The following CPLANE1 variants were observed in gnomAD, a reference collection of about 807,000 sequenced individuals.
CPLANE1 encodes the protein ciliogenesis and planar polarity effector 1.
In CPLANE1, 263 loss-of-function variants were observed where a neutral mutation model predicts 362.5. The observed-to-expected ratio is 0.73, with a 90% CI of 0.66 to 0.80. The LOEUF is 0.80. Ranked by LOEUF, CPLANE1 falls within the 30% of genes least tolerant of loss-of-function variation. The probability of loss-of-function intolerance (pLI) is 0.00; values close to 1 mark genes in which losing one functional copy is unlikely to be tolerated. For synonymous variants in CPLANE1, 1,212 were observed against 1,302.6 expected, an observed-to-expected ratio of 0.93 and a Z score of 1.50; for missense variants, 3,461 against 3,793.4, an observed-to-expected ratio of 0.91 and a Z score of 2.30.
chr5:37,179,793 A>G (rs1782159339), intron 28 of CPLANE1, among the ~76,000 whole-genome samples: 1 of 152,206 alleles, frequency 6.6e-6, no homozygotes, highest in African/African-American at 2.4e-5. Flanking sequence ...ATGGTAAAAG[A>G]GCACCAACAT....
intron 23 of CPLANE1, among the ~76,000 whole-genome samples, chr5:37,186,647 G>A (rs1784066938): frequency 6.6e-6 from 1 of 152,030 alleles, no homozygotes; most frequent in Non-Finnish European, 1.5e-5. Flanking sequence ...TTTAATATAC[G>A]TATACATTCT....
At chr5:37,132,987 G>A (rs756194858) in intron 46 of CPLANE1, among the ~76,000 whole-genome samples, 16 of 152,078 alleles carry the variant, frequency 1.1e-4, no homozygotes, top group African/African-American at 2.2e-4. Context: ...ATTCTTCTGC[G>A]TATGGCTAAC....
the CPLANE1 span, among the ~76,000 whole-genome samples, chr5:37,098,153 G>A: frequency 6.6e-6 from 1 of 152,030 alleles, no homozygotes; most frequent in Non-Finnish European, 1.5e-5. Context: ...CAGCACTTTG[G>A]GAGGCCGAGG....
rs1203808271 is a variant in CPLANE1 at position 37,226,945 on chromosome 5, A to G, written c.1650T>C (p.Phe550=). 1 of 1,551,982 alleles carries G rather than the reference A, an allele frequency of 6.4e-7. No individual in the cohort carries two copies. Among genetic ancestry groups the G allele is most frequent in the Non-Finnish European group, 8.7e-7 (1 of 1,147,026 alleles). ...TATCATCCTTTGCATGTATCGTATC[A>G]AACATAGATGCAAATTCCAATCTTC... The part of the protein sequence containing the change: ...KEGRLEFASM[F]DTIHAKDDSE... Residue 550 remains phenylalanine, a synonymous_variant, in exon 12 of 53, where the codon TTT becomes TTC. Coordinates refer to ENST00000651892, the MANE Select transcript of CPLANE1 (RefSeq NM_001384732.1).
At chr5:37,233,085 G>A (rs1288949011) in intron 8 of CPLANE1, among the ~76,000 whole-genome samples, 1 of 152,118 alleles carries the variant, frequency 6.6e-6, no homozygotes, top group Non-Finnish European at 1.5e-5. Context: ...AACCCACTAG[G>A]GCTTTGGGCC....
chr5:37,226,857 A>G lies in CPLANE1; in HGVS notation c.1738T>C (p.Trp580Arg). Residue 580 changes from tryptophan to arginine, a missense_variant, in exon 12 of 53, where the codon TGG becomes CGG. Trp to Arg is a moderately radical substitution (Grantham distance 101, BLOSUM62 -3). Transcript: ENST00000651892. Reference sequence around the variant, plus strand: ...ACAGTTTTTGAAATTCCTATAGTCCACGCTGCAAGTAGACTTTTCTGGATA... The same window carrying G: ...ACAGTTTTTGAAATTCCTATAGTCCGCGCTGCAAGTAGACTTTTCTGGATA... ...HSIQKSLLAA[W>R]TIGISKTVTE... 6.4e-7 allele frequency: 1 copy of G among 1,551,400 alleles called. No homozygotes were observed. The highest frequency in any genetic ancestry group is 8.7e-7 in the Non-Finnish European group (1 of 1,146,894).
chr5:37,244,039 G>A (rs575991527), intron 5 of CPLANE1, among the ~76,000 whole-genome samples: 32 of 151,704 alleles, frequency 2.1e-4, no homozygotes, highest in African/African-American at 7.0e-4. Flanking sequence ...TAGCAGAGAC[G>A]GGGTTTCTCC....
intron 30 of CPLANE1, among the ~76,000 whole-genome samples, chr5:37,176,756 T>C (rs965880405): frequency 9.0e-5 from 12 of 132,708 alleles, no homozygotes; most frequent in African/African-American, 4.0e-4. Context: ...AATCTAATTA[T>C]GTTGCCTTTT....
chr5:37,227,425 C>A (rs1796687690), intron 10 of CPLANE1, 33 bp from the exon 11 acceptor site: 4 of 1,511,580 alleles, frequency 2.6e-6, no homozygotes, highest in Admixed American at 4.7e-5. Flanking sequence ...TTTCCAAGAG[C>A]AAAATGTTAT....
intron 41 of CPLANE1, among the ~76,000 whole-genome samples, chr5:37,156,728 A>G (rs1775216327): frequency 6.6e-6 from 1 of 152,212 alleles, no homozygotes; most frequent in South Asian, 2.1e-4. Flanking sequence ...TATAAGTACT[A>G]TTGAATTGCA....
At chr5:37,153,580 A>C (rs1271057797) in intron 42 of CPLANE1, among the ~76,000 whole-genome samples, 160 bp downstream of exon 42, 1 of 152,194 alleles carries the variant, frequency 6.6e-6, no homozygotes, top group African/African-American at 2.4e-5. Flanking sequence ...ACAACAAAGA[A>C]TTAACTGGCT....
At chr5:37,180,222 G>T in intron 27 of CPLANE1, 39 bp from the exon 28 acceptor site, 1 of 1,343,572 alleles carries the variant, frequency 7.4e-7, no homozygotes, top group Non-Finnish European at 9.8e-7. Flanking sequence ...AACTATTCTT[G>T]GAGATAAAGA....
Position 37,173,776 on chromosome 5 carries a change from A to G in CPLANE1, c.6150T>C (p.Asp2050=), listed in dbSNP as rs958208672. 71 of 1,614,020 alleles carry G rather than the reference A, an allele frequency of 4.4e-5. No homozygotes were observed. The highest frequency in any genetic ancestry group is 1.6e-4 in the Middle Eastern group (1 of 6,084). Residue 2050 remains aspartate, a synonymous_variant, in exon 32 of 53, where the codon GAT becomes GAC. Coordinates refer to ENST00000651892, the MANE Select transcript of CPLANE1 (RefSeq NM_001384732.1). ...TTACCTGAACTAATTTAAACATTTC[A>G]TCTTGCAGCATCTGCCTAACGGACT... ...CSESVRQMLQ[D]EMFKLVQLQQ...
rs571135018 is a variant in CPLANE1 at position 37,207,945 on chromosome 5, T to TTTTTG, written c.2921-1525_2921-1521dup. Among the ~76,000 whole-genome samples, 20 of 152,132 alleles carry TTTTTG rather than the reference T, an allele frequency of 1.3e-4. 1 individual carries two copies. In the South Asian group the frequency reaches 2.5e-3, roughly 19 times the overall value. On this transcript the variant is annotated intron_variant, in intron 16 of 52. Coordinates refer to ENST00000651892, the MANE Select transcript of CPLANE1 (RefSeq NM_001384732.1). The stretch of plus-strand genomic sequence containing the variant: ...TGCTTTGGTTTTTTTGTTGTTGTTG[T>TTTTTG]TTTTGTTTTGTTTTGTTTTGTTTTG...
intron 19 of CPLANE1, among the ~76,000 whole-genome samples, chr5:37,199,858 C>T (rs764006260): frequency 1.4e-4 from 21 of 152,226 alleles, no homozygotes; most frequent in Non-Finnish European, 2.8e-4. Context: ...TAAGCCTAGC[C>T]ACAGTGACTG....
chr5:37,194,079 G>A (rs1215347409), intron 21 of CPLANE1, among the ~76,000 whole-genome samples: 3 of 151,922 alleles, frequency 2.0e-5, no homozygotes, highest in Non-Finnish European at 4.4e-5. Flanking sequence ...ACACCACTAT[G>A]CCTGGCTAAT....
chr5:37,210,000 G>A lies in CPLANE1; in HGVS notation c.2920+3559C>T, dbSNP rs565991241. On this transcript the variant is annotated intron_variant, in intron 16 of 52. Coordinates refer to ENST00000651892, the MANE Select transcript of CPLANE1 (RefSeq NM_001384732.1). The surrounding 1 kb of genome is among the most constrained non-coding windows in gnomAD (Gnocchi z 4.6). ...GAGAGAAATAGAAGAGCAACTTCGG[G>A]AAGAAATATGTCAAAAGTTGAAGTT... 1.0e-5 allele frequency: 9 copies of A among 869,514 alleles called. No individual in the cohort carries two copies. The highest frequency in any genetic ancestry group is 1.0e-4 in the South Asian group (7 of 69,802). The allele number at this position is 869,514 out of a possible 1,614,324, so 53.9% of individuals were successfully genotyped here. A position where few individuals can be genotyped will look rare whatever the true frequency, so the allele number is the denominator to read the frequency against.
At chr5:37,224,035 G>A (rs915921748) in intron 14 of CPLANE1, among the ~76,000 whole-genome samples, 2 of 152,198 alleles carry the variant, frequency 1.3e-5, no homozygotes, top group East Asian at 1.9e-4. Context: ...AAGTATTCAT[G>A]AGTGTCAAGT....
At chr5:37,180,251 T>G (rs1055603176) in intron 27 of CPLANE1, 68 bp from the exon 28 acceptor site, 4 of 1,034,408 alleles carry the variant, frequency 3.9e-6, no homozygotes, top group African/African-American at 1.7e-5. Context: ...AGTTTTGGGT[T>G]TTTTTTTTGT....
Sources: allele counts gnomAD v4.1 joint callset (sites outside exome capture counted in the v4.1 genomes callset), GRCh38; gene constraint gnomAD v4.1.1; non-coding constraint Gnocchi (gnomAD v3.1); transcripts MANE v1.5; gene names NCBI Gene and HGNC (gene_info 2026-07-23, HGNC 2026-07-21).